Variants in ALMS1 observed in about 807,000 individuals in gnomAD.
ALMS1 encodes the protein ALMS1 centrosome and basal body associated protein, also known as centrosome-associated protein ALMS1.
Under a neutral mutation model 352.2 loss-of-function variants are expected in ALMS1, and 271 were observed. The observed-to-expected ratio is 0.77, with a 90% CI of 0.70 to 0.85. ALMS1 has a LOEUF of 0.85. ALMS1 is among the 40% of genes least tolerant of loss of function. The pLI is 0.00. For missense variants in ALMS1, 5,445 were observed against 4,870.7 expected (o/e 1.12, Z -3.51); for synonymous variants, 1,865 against 1,761.2 (o/e 1.06, Z -1.48).
intron 9 of ALMS1, among the ~76,000 whole-genome samples, chr2:73,459,930 G>A (rs958190491): frequency 1.3e-5 from 2 of 151,910 alleles, no homozygotes; most frequent in African/African-American, 2.4e-5. Context: ...ATAATTACAC[G>A]CACCCCCCTC....
At position 73,450,188 on chromosome 2, in the gene ALMS1, G is replaced by C. The variant is rs774268493; in HGVS notation, c.3661G>C (p.Val1221Leu). Residue 1221 changes from valine (V) to leucine (L), a missense_variant, in exon 8 of 23, where the codon GTT becomes CTT. By Grantham distance (32) the Val-to-Leu change is conservative. Transcript: ENST00000613296. ...TGAAGAGGCACAGAAAGTTTCACCT[G>C]TTCTTGGACCAGCTGACCAGAAGAC... ...IPEEAQKVSP[V>L]LGPADQKTGT... The C allele has an allele frequency of 1.9e-6, 3 of 1,613,762 alleles. No homozygotes were observed. Among genetic ancestry groups the C allele is most frequent in the Non-Finnish European group, 2.5e-6 (3 of 1,179,938 alleles).
chr2:73,582,353 GA>G (rs1428287616), intron 16 of ALMS1, among the ~76,000 whole-genome samples: 2 of 152,142 alleles, frequency 1.3e-5, no homozygotes, highest in Admixed American at 6.5e-5. Context: ...AAAGTAAGGA[GA>G]GGGGTGAATT....
intron 16 of ALMS1, among the ~76,000 whole-genome samples, chr2:73,598,609 C>T (rs1360532211): frequency 6.6e-6 from 1 of 152,128 alleles, no homozygotes; most frequent in East Asian, 1.9e-4. Context: ...TTACCTCCAC[C>T]AGACCTGCCT....
rs1248066457 is a variant in ALMS1 at position 73,451,072 on chromosome 2, A to G, written c.4545A>G (p.Ala1515=). 1.2e-6 allele frequency: 2 copies of G among 1,613,900 alleles called. No homozygotes were observed. Among genetic ancestry groups the G allele is most frequent in the Non-Finnish European group, 1.7e-6 (2 of 1,179,958 alleles). The part of the protein sequence containing the change: ...APGPVGQTTG[A]PTITSPSYSQ... ...GACCAGTTGGCCAGACAACTGGCGC[A>G]CCAACTATAACCTCTCCTTCCTACT... The change falls in exon 8 of 23, where the codon GCA becomes GCG. Residue 1515 remains alanine, a synonymous_variant. Coordinates refer to ENST00000613296, the MANE Select transcript of ALMS1 (RefSeq NM_001378454.1).
intron 1 of ALMS1, among the ~76,000 whole-genome samples, chr2:73,391,005 A>G (rs528892774): frequency 2.0e-5 from 3 of 152,038 alleles, no homozygotes; most frequent in African/African-American, 7.2e-5. Context: ...TCTTGACCTC[A>G]GGTTATCCAC....
chr2:73,526,522 C>G (rs1263858559), intron 11 of ALMS1, among the ~76,000 whole-genome samples: 1 of 151,922 alleles, frequency 6.6e-6, no homozygotes, highest in Admixed American at 6.6e-5. Flanking sequence ...TGGTTAATTG[C>G]TAGGTATTTG....
intron 2 of ALMS1, among the ~76,000 whole-genome samples, chr2:73,415,275 A>T (rs6730785): frequency 1.3e-5 from 2 of 151,964 alleles, no homozygotes; most frequent in Non-Finnish European, 2.9e-5. Flanking sequence ...AAGTTAAAAA[A>T]GGTTGAACAG....
chr2:73,483,654 T>G (rs1386562125), intron 9 of ALMS1, among the ~76,000 whole-genome samples: 2 of 151,392 alleles, frequency 1.3e-5, no homozygotes, highest in African/African-American at 4.9e-5. Context: ...CGTTGATCTG[T>G]CTAATGTTGA....
chr2:73,415,534 G>A (rs1244786699), intron 2 of ALMS1, among the ~76,000 whole-genome samples: 3 of 148,574 alleles, frequency 2.0e-5, no homozygotes, highest in Admixed American at 6.7e-5. Context: ...GAAGACAAGG[G>A]AGTTCCTCTC....
At chr2:73,398,048 C>T (rs1558629686) in intron 1 of ALMS1, among the ~76,000 whole-genome samples, 1 of 152,200 alleles carries the variant, frequency 6.6e-6, no homozygotes. Context: ...AAAGCCATCA[C>T]CAAACCCAAG....
intron 15 of ALMS1, among the ~76,000 whole-genome samples, chr2:73,564,108 A>AG (rs1439122813): frequency 1.3e-5 from 2 of 151,554 alleles, no homozygotes; most frequent in Admixed American, 6.6e-5. Flanking sequence ...TAAAAAAAAA[A>AG]CCCTTTCCAA....
intron 3 of ALMS1, among the ~76,000 whole-genome samples, chr2:73,422,340 T>C (rs1671299020): frequency 2.6e-5 from 4 of 152,238 alleles, no homozygotes; most frequent in South Asian, 4.1e-4. Context: ...ATAAGGCATA[T>C]GATATCTTAA....
At chr2:73,406,903 G>A (rs1486079091) in intron 1 of ALMS1, among the ~76,000 whole-genome samples, 2 of 152,212 alleles carry the variant, frequency 1.3e-5, no homozygotes, top group Non-Finnish European at 2.9e-5. Flanking sequence ...TGGATTACAG[G>A]CATGAGCCAC....
chr2:73,556,665 A>G (rs1432778704), intron 13 of ALMS1, among the ~76,000 whole-genome samples: 1 of 143,222 alleles, frequency 7.0e-6, no homozygotes, highest in Non-Finnish European at 1.5e-5. Flanking sequence ...TTACTGTTGC[A>G]TCAAACCATC....
At chr2:73,423,889 T>G (rs568605833) in intron 4 of ALMS1, among the ~76,000 whole-genome samples, 1 of 152,232 alleles carries the variant, frequency 6.6e-6, no homozygotes, top group African/African-American at 2.4e-5. Context: ...GCAATCCTCC[T>G]GCCTTAGCCT....
At chr2:73,570,061 T>C (rs1573028333) in intron 15 of ALMS1, among the ~76,000 whole-genome samples, 1 of 152,102 alleles carries the variant, frequency 6.6e-6, no homozygotes, top group East Asian at 1.9e-4. Context: ...AGATGTGTGA[T>C]TGTTTGGTGA....
chr2:73,391,030 C>T (rs562467895), intron 1 of ALMS1, among the ~76,000 whole-genome samples: 7 of 152,122 alleles, frequency 4.6e-5, no homozygotes, highest in Admixed American at 1.3e-4. Flanking sequence ...CTCGGCCTCC[C>T]AAAGTGCTGG....
chr2:73,454,087 C>A lies in ALMS1; in HGVS notation c.7540+20C>A, dbSNP rs1410444926. The A allele has an allele frequency of 4.4e-6, 7 of 1,590,906 alleles. No homozygotes were observed. In the East Asian group the frequency reaches 1.6e-4, roughly 37 times the overall value. On this transcript the variant is annotated intron_variant, in intron 8 of 22. Coordinates refer to ENST00000613296, the MANE Select transcript of ALMS1 (RefSeq NM_001378454.1). ...CACATGGTAAGAAGAAAGTTTCAGG[C>A]TTATAAACGTTATAGTTTAATAATG...
At chr2:73,560,294 G>T (rs1157616175) in intron 15 of ALMS1, among the ~76,000 whole-genome samples, 1 of 152,072 alleles carries the variant, frequency 6.6e-6, no homozygotes, top group African/African-American at 2.4e-5. Flanking sequence ...CATATAAAAA[G>T]ATGCCCAATC....
Sources: gnomAD v4.1 joint callset for allele counts (sites outside exome capture counted in the v4.1 genomes callset) on GRCh38, gnomAD v4.1.1 for gene constraint, MANE v1.5 for transcripts, NCBI Gene and HGNC (gene_info 2026-07-23, HGNC 2026-07-21) for gene names.